The following PBX4 variants were observed in gnomAD, a reference collection of about 807,000 sequenced individuals.
The protein encoded by PBX4 is pre-B-cell leukemia transcription factor 4.
PBX4 carries 26 observed loss-of-function variants against 35.1 expected under a neutral mutation model. That is an observed-to-expected ratio of 0.74 (90% CI 0.54 to 1.03). PBX4 has a LOEUF of 1.03. Among genes scored for constraint, PBX4 ranks in the 50% least tolerant of loss-of-function variants. The probability of loss-of-function intolerance (pLI) is 0.00; values close to 1 mark genes in which losing one functional copy is unlikely to be tolerated. For synonymous variants in PBX4, 199 were observed against 204.2 expected, an observed-to-expected ratio of 0.97 and a Z score of 0.22; for missense variants, 448 against 504.3, an observed-to-expected ratio of 0.89 and a Z score of 1.07.
chr19:19,602,913 G>A (rs552727214), intron 1 of PBX4, among the ~76,000 whole-genome samples: 1 of 152,154 alleles, frequency 6.6e-6, no homozygotes, highest in South Asian at 2.1e-4. Context: ...CACACACAAA[G>A]CCAATAATTT....
intron 1 of PBX4, among the ~76,000 whole-genome samples, chr19:19,610,299 G>A (rs1482154321): frequency 1.3e-5 from 2 of 152,078 alleles, no homozygotes; most frequent in African/African-American, 4.8e-5. Flanking sequence ...TGGAATCCCA[G>A]CTACTCGGAA....
At chr19:19,593,039 C>T (rs1337506542) in intron 2 of PBX4, among the ~76,000 whole-genome samples, 2 of 152,192 alleles carry the variant, frequency 1.3e-5, no homozygotes, top group South Asian at 2.1e-4. Context: ...GGGAACAACT[C>T]GAGGAAGCCC....
chr19:19,616,308 T>C (rs989556415), intron 1 of PBX4, among the ~76,000 whole-genome samples: 1 of 152,122 alleles, frequency 6.6e-6, no homozygotes, highest in Non-Finnish European at 1.5e-5. Context: ...CCCTATTGAT[T>C]GTTATCCAGA....
intron 1 of PBX4, among the ~76,000 whole-genome samples, chr19:19,611,481 C>G (rs2061662363): frequency 6.6e-6 from 1 of 151,794 alleles, no homozygotes; most frequent in Non-Finnish European, 1.5e-5. Context: ...GAGTTCAAGA[C>G]CAGCCTGGCC....
intron 2 of PBX4, among the ~76,000 whole-genome samples, chr19:19,595,011 C>T (rs935868057): frequency 5.3e-5 from 8 of 152,170 alleles, no homozygotes; most frequent in South Asian, 2.1e-4. Flanking sequence ...CGTGAGCCAC[C>T]GCACCCAGCC....
chr19:19,565,223 G>C (rs2061334554), intron 5 of PBX4, 134 bp from the exon 6 acceptor site: 1 of 1,106,676 alleles, frequency 9.0e-7, no homozygotes, highest in Admixed American at 2.0e-5. Context: ...GCTATGAAGA[G>C]TCTGGGACTG....
At chr19:19,568,348 T>TGTATCCCTCAGGGAGCTCACACTCTATCA (rs1568378423) in intron 5 of PBX4, among the ~76,000 whole-genome samples, 102 of 138,022 alleles carry the variant, frequency 7.4e-4, no homozygotes, top group Non-Finnish European at 1.3e-3. Flanking sequence ...ACACTCCATC[T>TGTATCCCTCAGGGAGCTCACACTCTATCA]GTATCCCTCA....
chr19:19,567,377 G>A (rs181390205), intron 5 of PBX4, among the ~76,000 whole-genome samples: 8 of 152,316 alleles, frequency 5.3e-5, no homozygotes, highest in African/African-American at 1.4e-4. Context: ...GGTTCCAATT[G>A]CTCTCTGTCA....
chr19:19,613,191 C>T (rs1264371718), intron 1 of PBX4, among the ~76,000 whole-genome samples: 5 of 149,266 alleles, frequency 3.3e-5, no homozygotes, highest in African/African-American at 9.8e-5. Context: ...GCTGGCAGGG[C>T]GTGGTGGTTT....
At chr19:19,596,069 G>T (rs1017838784) in intron 2 of PBX4, among the ~76,000 whole-genome samples, 7 of 152,006 alleles carry the variant, frequency 4.6e-5, no homozygotes, top group African/African-American at 1.7e-4. Context: ...CTGCATTCCA[G>T]CCTGGTGACA....
intron 2 of PBX4, among the ~76,000 whole-genome samples, chr19:19,572,294 C>T (rs1249700003): frequency 2.7e-5 from 4 of 150,720 alleles, no homozygotes; most frequent in Non-Finnish European, 5.9e-5. Context: ...AGGCTGGTCT[C>T]GAACTCCTGA....
chr19:19,570,083 G>A, intron 4 of PBX4, 26 bp downstream of exon 4: 3 of 1,554,750 alleles, frequency 1.9e-6, no homozygotes, highest in East Asian at 2.3e-5. Context: ...CGGCCCTTGA[G>A]GTTTTGGGTA....
Position 19,564,835 on chromosome 19 carries a change from G to T in PBX4, c.925+98C>A. 5 of 1,441,446 alleles carry T rather than the reference G, an allele frequency of 3.5e-6. No individual in the cohort carries two copies. In the Admixed American group the frequency reaches 7.2e-5, roughly 21 times the overall value. The allele number at this position is 1,441,446 out of a possible 1,614,324, so 89.3% of individuals were successfully genotyped here. A position where few individuals can be genotyped will look rare whatever the true frequency, so the allele number is the denominator to read the frequency against. On this transcript the variant is annotated intron_variant, in intron 6 of 7. Coordinates refer to ENST00000251203, the MANE Select transcript of PBX4 (RefSeq NM_025245.3). ...AAGAGTTACACAGAGTTGACCACTG[G>T]GGGAAGGGAGATGTGGTCCCACTGT...
intron 2 of PBX4, among the ~76,000 whole-genome samples, chr19:19,595,125 C>T (rs1375178047): frequency 2.0e-5 from 3 of 152,216 alleles, no homozygotes; most frequent in African/African-American, 7.2e-5. Context: ...AAGGCTGCTT[C>T]CTGGGGTCAG....
intron 2 of PBX4, among the ~76,000 whole-genome samples, chr19:19,595,286 C>G (rs1450486550): frequency 6.6e-6 from 1 of 152,114 alleles, no homozygotes; most frequent in Non-Finnish European, 1.5e-5. Flanking sequence ...AACACGTGAC[C>G]ACAGCCAGTG....
chr19:19,580,279 G>A (rs79860015), intron 2 of PBX4, among the ~76,000 whole-genome samples: 2,697 of 152,310 alleles, frequency 0.018, 84 homozygotes, highest in South Asian at 0.11. Context: ...AACCTTTTGA[G>A]GCTTTTTCAG....
At chr19:19,599,656 G>A (rs1004481279) in intron 1 of PBX4, among the ~76,000 whole-genome samples, 2 of 152,032 alleles carry the variant, frequency 1.3e-5, no homozygotes, top group African/African-American at 2.4e-5. Context: ...TGGCCAGCAT[G>A]GTGAAACCCT....
At chr19:19,569,977 C>G in intron 4 of PBX4, 132 bp downstream of exon 4, 1 of 802,492 alleles carries the variant, frequency 1.2e-6, no homozygotes, top group Non-Finnish European at 1.8e-6. Context: ...GCCTTCTTCC[C>G]AAGAGGCTGT....
At chr19:19,615,165 CAAAAAAA>C (rs33921244) in intron 1 of PBX4, among the ~76,000 whole-genome samples, 17 of 54,154 alleles carry the variant, frequency 3.1e-4, no homozygotes, top group Admixed American at 5.2e-4. Flanking sequence ...ACCCTGTCTC[CAAAAAAA>C]AAAAAAAAAA....
Sources: allele counts gnomAD v4.1 joint callset (sites outside exome capture counted in the v4.1 genomes callset), GRCh38; gene constraint gnomAD v4.1.1; transcripts MANE v1.5; gene names NCBI Gene and HGNC (gene_info 2026-07-23, HGNC 2026-07-21).